Variants in PCSK2 observed in about 807,000 individuals in gnomAD.
PCSK2 encodes neuroendocrine convertase 2.
Under a neutral mutation model 69.7 loss-of-function variants are expected in PCSK2, and 14 were observed. The ratio of observed to expected loss-of-function variants is 0.20; its 90% CI spans 0.13 to 0.31. The LOEUF (loss-of-function observed/expected upper bound fraction) is 0.31. PCSK2 is among the 10% of genes least tolerant of loss of function. The pLI, the probability that PCSK2 is intolerant of heterozygous loss-of-function variation, is 1.00. For synonymous variants in PCSK2, 307 were observed against 320.7 expected, an observed-to-expected ratio of 0.96 and a Z score of 0.46; for missense variants, 544 against 842.5, an observed-to-expected ratio of 0.65 and a Z score of 4.39.
intron 2 of PCSK2, among the ~76,000 whole-genome samples, chr20:17,272,609 A>C (rs1258932682): frequency 6.6e-6 from 1 of 152,104 alleles, no homozygotes; most frequent in Non-Finnish European, 1.5e-5. Context: ...CAATATCTTC[A>C]ACAGTTCTTA....
chr20:17,457,722 C>T (rs959724798), intron 10 of PCSK2, among the ~76,000 whole-genome samples: 1 of 152,186 alleles, frequency 6.6e-6, no homozygotes, highest in Non-Finnish European at 1.5e-5. Context: ...CCTGAGCTGG[C>T]CTTGCTCACT....
chr20:17,453,724 CT>C lies in PCSK2; in HGVS notation c.886-17del, dbSNP rs753479633. 27 of 1,610,938 alleles carry C rather than the reference CT, an allele frequency of 1.7e-5. No individual in the cohort carries two copies. The East Asian group carries it at 5.3e-4, about 32-fold the overall frequency. On this transcript the variant is annotated splice_polypyrimidine_tract_variant and intron_variant, in intron 8 of 11. Coordinates refer to ENST00000262545, the MANE Select transcript of PCSK2 (RefSeq NM_002594.5). The surrounding 1 kb of genome is among the most constrained non-coding windows in gnomAD (Gnocchi z 4.0). ...CCCAGGCTGTGGGTAGCGGCAGCGT[CT>C]CCCCTGCTCTCCCCAGGGCCGCGGC...
At chr20:17,389,431 G>A (rs1029767927) in intron 5 of PCSK2, among the ~76,000 whole-genome samples, 22 of 152,022 alleles carry the variant, frequency 1.4e-4, no homozygotes, top group African/African-American at 5.3e-4. Flanking sequence ...AATATAGGGA[G>A]AGAATGGTGG....
intron 2 of PCSK2, among the ~76,000 whole-genome samples, chr20:17,322,804 T>C (rs568615001): frequency 2.4e-4 from 37 of 152,366 alleles, no homozygotes; most frequent in African/African-American, 8.7e-4. Context: ...AATTTATTCA[T>C]GGAAGTGGCA....
Position 17,453,716 on chromosome 20 carries a change from G to C in PCSK2, c.886-26G>C, listed in dbSNP as rs759256403. On this transcript the variant is annotated intron_variant, in intron 8 of 11. Transcript: ENST00000262545. The surrounding 1 kb of genome is among the most constrained non-coding windows in gnomAD (Gnocchi z 4.0). ...CCTCGCAGCCCAGGCTGTGGGTAGC[G>C]GCAGCGTCTCCCCTGCTCTCCCCAG... 4.4e-6 allele frequency: 7 copies of C among 1,608,998 alleles called. No homozygotes were observed. The African/African-American group carries it at 5.3e-5, about 12-fold the overall frequency.
chr20:17,327,656 A>G (rs1990102406), intron 2 of PCSK2, among the ~76,000 whole-genome samples: 1 of 152,198 alleles, frequency 6.6e-6, no homozygotes, highest in Non-Finnish European at 1.5e-5. Context: ...GAAGTCACCG[A>G]GCAGCTGCTA....
chr20:17,340,158 T>C (rs6080641), intron 2 of PCSK2, among the ~76,000 whole-genome samples: 59,617 of 152,036 alleles, frequency 0.39, 12,871 homozygotes, highest in African/African-American at 0.56. Context: ...ATTGAAGCTT[T>C]TAGAGTAAAC....
chr20:17,247,478 C>T (rs767934382), intron 1 of PCSK2, among the ~76,000 whole-genome samples: 6 of 152,312 alleles, frequency 3.9e-5, no homozygotes, highest in Non-Finnish European at 8.8e-5. Context: ...TCCTATATAG[C>T]AAATGATGTC....
At chr20:17,374,893 T>C (rs1258715176) in intron 5 of PCSK2, among the ~76,000 whole-genome samples, 2 of 151,956 alleles carry the variant, frequency 1.3e-5, no homozygotes, top group African/African-American at 2.4e-5. Context: ...GTGCTGACAG[T>C]TGGAAAACAG....
chr20:17,347,840 GAAAGA>G (rs1990698307), intron 2 of PCSK2, among the ~76,000 whole-genome samples: 2 of 123,964 alleles, frequency 1.6e-5, no homozygotes, highest in Admixed American at 8.4e-5. Context: ...AAGAAAGAAA[GAAAGA>G]AAGAAAGAAA....
chr20:17,470,783 C>A (rs1487450326), intron 11 of PCSK2, among the ~76,000 whole-genome samples: 4 of 152,204 alleles, frequency 2.6e-5, no homozygotes, highest in African/African-American at 4.8e-5. Context: ...GGCCTGGTAC[C>A]TCATTCCCTT....
intron 5 of PCSK2, among the ~76,000 whole-genome samples, chr20:17,407,974 TA>T: frequency 6.6e-6 from 1 of 152,218 alleles, no homozygotes; most frequent in East Asian, 1.9e-4. Context: ...ACCTAAACAA[TA>T]AAACAAAAAT....
intron 1 of PCSK2, among the ~76,000 whole-genome samples, chr20:17,255,669 A>G (rs906071234): frequency 4.6e-5 from 7 of 152,140 alleles, no homozygotes; most frequent in Admixed American, 6.6e-5. Flanking sequence ...AAACGTATTT[A>G]TTATAAAAGA....
At chr20:17,242,328 A>G (rs1986610990) in intron 1 of PCSK2, among the ~76,000 whole-genome samples, 1 of 152,246 alleles carries the variant, frequency 6.6e-6, no homozygotes, top group Non-Finnish European at 1.5e-5. Flanking sequence ...ACAGCCTCTT[A>G]CAAATCAGCT....
chr20:17,237,393 T>C (rs1304331794), intron 1 of PCSK2, among the ~76,000 whole-genome samples: 1 of 152,164 alleles, frequency 6.6e-6, no homozygotes, highest in East Asian at 1.9e-4. Context: ...GGAAGACTGT[T>C]GAGAGAAAAC....
At chr20:17,293,033 C>A (rs1988750285) in intron 2 of PCSK2, among the ~76,000 whole-genome samples, 1 of 152,070 alleles carries the variant, frequency 6.6e-6, no homozygotes, top group Non-Finnish European at 1.5e-5. Flanking sequence ...CCATGTTGGC[C>A]AGGCTGGTCT....
At chr20:17,352,064 G>T (rs62201007) in intron 2 of PCSK2, among the ~76,000 whole-genome samples, 2 of 152,156 alleles carry the variant, frequency 1.3e-5, no homozygotes, top group African/African-American at 2.4e-5. Flanking sequence ...TAACGTTCAA[G>T]CTGAGAGCCA....
intron 1 of PCSK2, chr20:17,228,117 C>T (rs1986001452): frequency 6.6e-6 from 1 of 152,276 alleles, no homozygotes; most frequent in African/African-American, 2.4e-5. Context: ...GAGCGCACTT[C>T]TGGTTGGCTC....
intron 5 of PCSK2, among the ~76,000 whole-genome samples, chr20:17,404,241 G>A (rs1443525112): frequency 6.6e-6 from 1 of 152,190 alleles, no homozygotes; most frequent in African/African-American, 2.4e-5. Context: ...TTTGTAGTTG[G>A]ACCACAGAGT....
Sources: allele counts gnomAD v4.1 joint callset (sites outside exome capture counted in the v4.1 genomes callset), GRCh38; gene constraint gnomAD v4.1.1; non-coding constraint Gnocchi (gnomAD v3.1); transcripts MANE v1.5; gene names NCBI Gene and HGNC (gene_info 2026-07-23, HGNC 2026-07-21).